The following DKK2 variants were observed in gnomAD, a reference collection of about 807,000 sequenced individuals.
DKK2 encodes dickkopf-related protein 2.
A neutral mutation model predicts 28.1 loss-of-function variants in DKK2; 11 were observed. That is an observed-to-expected ratio of 0.39 (90% CI 0.25 to 0.65). DKK2 has a LOEUF of 0.65. Ranked by LOEUF, DKK2 falls within the 30% of genes least tolerant of loss-of-function variation. DKK2 has a pLI of 0.47. For synonymous variants in DKK2, 135 were observed against 126.5 expected (o/e 1.07, Z -0.45); for missense variants, 326 against 335.5 (o/e 0.97, Z 0.22).
intron 1 of DKK2, among the ~76,000 whole-genome samples, chr4:106,986,811 A>G (rs1723127438): frequency 6.6e-6 from 1 of 152,132 alleles, no homozygotes; most frequent in Non-Finnish European, 1.5e-5. Flanking sequence ...TTTCTTTACT[A>G]TTCTCTCTGT....
At chr4:106,967,500 G>A (rs902443047) in intron 1 of DKK2, among the ~76,000 whole-genome samples, 1 of 152,146 alleles carries the variant, frequency 6.6e-6, no homozygotes, top group African/African-American at 2.4e-5. Context: ...AGAGGGAAGA[G>A]AGCAAGGTAG....
At chr4:106,972,714 T>A (rs932112728) in intron 1 of DKK2, among the ~76,000 whole-genome samples, 21 of 152,202 alleles carry the variant, frequency 1.4e-4, no homozygotes, top group African/African-American at 4.8e-4. Context: ...TGAGAAGCTA[T>A]TATATTCTTG....
chr4:106,941,614 A>G (rs962816091), intron 1 of DKK2, among the ~76,000 whole-genome samples: 1 of 152,164 alleles, frequency 6.6e-6, no homozygotes, highest in African/African-American at 2.4e-5. Context: ...CCCCAAGTAC[A>G]CTATATTGTC....
intron 1 of DKK2, among the ~76,000 whole-genome samples, chr4:106,946,558 C>T (rs1724779332): frequency 6.6e-6 from 1 of 152,056 alleles, no homozygotes; most frequent in African/African-American, 2.4e-5. Context: ...GCAACATAGA[C>T]AGAACTCCCA....
chr4:106,965,412 G>A (rs1033546302), intron 1 of DKK2, among the ~76,000 whole-genome samples: 1 of 152,058 alleles, frequency 6.6e-6, no homozygotes, highest in Non-Finnish European at 1.5e-5. Context: ...AAAGCCAAGA[G>A]TTATACAGGT....
chr4:106,999,800 A>G (rs1263271950), intron 1 of DKK2, among the ~76,000 whole-genome samples: 1 of 152,176 alleles, frequency 6.6e-6, no homozygotes, highest in Non-Finnish European at 1.5e-5. Context: ...TTTTTCTCGT[A>G]TTAAATTTTG....
At chr4:106,966,436 C>G (rs1398548698) in intron 1 of DKK2, among the ~76,000 whole-genome samples, 1 of 152,208 alleles carries the variant, frequency 6.6e-6, no homozygotes, top group Non-Finnish European at 1.5e-5. Context: ...CACTCTCCAT[C>G]TCTTCTAAAT....
rs773814398 is a variant in DKK2, at chr4:106,924,580, A to G, written c.494T>C (p.Leu165Pro). The G allele has an allele frequency of 5.6e-6, 9 of 1,613,746 alleles. No individual in the cohort carries two copies. In the East Asian group the frequency reaches 2.0e-4, roughly 36 times the overall value. Reference sequence around the variant, plus strand: ...TGACATCTTAGTGTGTGGTCTTCCTAGATTCTGCCATCCCAAGTCATGGTT... The same window carrying G: ...TGACATCTTAGTGTGTGGTCTTCCTGGATTCTGCCATCCCAAGTCATGGTT... ...YSNHDLGWQN[L>P]GRPHTKMSHI... The change falls in exon 3 of 4, where the codon CTA becomes CCA. Residue 165 changes from leucine (L) to proline (P), a missense_variant. Transcript: ENST00000285311.
intron 1 of DKK2, among the ~76,000 whole-genome samples, chr4:106,942,449 G>A (rs1284290887): frequency 1.3e-5 from 2 of 152,014 alleles, no homozygotes; most frequent in Non-Finnish European, 2.9e-5. Context: ...TACTTCTTTT[G>A]TTGGCCCTTA....
chr4:107,025,807 T>C (rs1421015648), intron 1 of DKK2, among the ~76,000 whole-genome samples: 1 of 152,194 alleles, frequency 6.6e-6, no homozygotes, highest in Non-Finnish European at 1.5e-5. Flanking sequence ...ATAATATATT[T>C]TGACCTACAC....
chr4:107,020,008 A>G (rs1723667357), intron 1 of DKK2, among the ~76,000 whole-genome samples: 1 of 150,372 alleles, frequency 6.7e-6, no homozygotes, highest in Admixed American at 6.6e-5. Context: ...GTGGACATTT[A>G]AAAAAAAAAT....
At chr4:106,997,850 C>A (rs1723298100) in intron 1 of DKK2, among the ~76,000 whole-genome samples, 1 of 152,042 alleles carries the variant, frequency 6.6e-6, no homozygotes, top group Admixed American at 6.6e-5. Flanking sequence ...TTCTTTTTCC[C>A]TTTTATTGCC....
chr4:106,999,556 AG>A (rs892307778), intron 1 of DKK2, among the ~76,000 whole-genome samples: 87 of 152,210 alleles, frequency 5.7e-4, no homozygotes, highest in African/African-American at 2.1e-3. Context: ...CACGTTAGCC[AG>A]GATGATCTCA....
At chr4:106,939,598 G>GA (rs1366015852) in intron 1 of DKK2, among the ~76,000 whole-genome samples, 1 of 152,224 alleles carries the variant, frequency 6.6e-6, no homozygotes, top group East Asian at 1.9e-4. Context: ...CACAGAATTG[G>GA]AAAAAACTAC....
At chr4:106,949,659 C>G (rs1724829477) in intron 1 of DKK2, among the ~76,000 whole-genome samples, 1 of 152,072 alleles carries the variant, frequency 6.6e-6, no homozygotes, top group African/African-American at 2.4e-5. Context: ...CTTCTGTTTT[C>G]TTATATATGG....
intron 1 of DKK2, among the ~76,000 whole-genome samples, chr4:106,991,683 TGCCCA>T (rs1723206092): frequency 6.6e-6 from 1 of 152,168 alleles, no homozygotes; most frequent in East Asian, 1.9e-4. Flanking sequence ...AACTCATTTT[TGCCCA>T]GCCCCAACAC....
rs150616976 is a variant in DKK2, at chr4:106,973,438, G to A, written c.223-47489C>T. Among the ~76,000 whole-genome samples, 522 of 152,290 alleles carry A rather than the reference G, an allele frequency of 3.4e-3. 3 individuals are homozygous for A. Among genetic ancestry groups the A allele is most frequent in the African/African-American group, 0.012 (509 of 41,550 alleles). The stretch of plus-strand genomic sequence containing the variant: ...TTTAATGATTGCCATTCTAACTGGA[G>A]TGAGACAGTATCTAATTTTGGCTTT... On this transcript the variant is annotated intron_variant, in intron 1 of 3. Coordinates refer to ENST00000285311, the MANE Select transcript of DKK2 (RefSeq NM_014421.3).
chr4:107,015,204 G>C (rs1390142963), intron 1 of DKK2, among the ~76,000 whole-genome samples: 1 of 151,524 alleles, frequency 6.6e-6, no homozygotes, highest in East Asian at 1.9e-4. Context: ...GTTTCACATA[G>C]GTACCTATAC....
At chr4:107,004,028 C>T (rs1285826449) in intron 1 of DKK2, among the ~76,000 whole-genome samples, 1 of 152,180 alleles carries the variant, frequency 6.6e-6, no homozygotes, top group East Asian at 1.9e-4. Flanking sequence ...TCCAACATCA[C>T]TCATATTCAT....
Sources: allele counts gnomAD v4.1 joint callset (sites outside exome capture counted in the v4.1 genomes callset), GRCh38; gene constraint gnomAD v4.1.1; transcripts MANE v1.5; gene names NCBI Gene and HGNC (gene_info 2026-07-23, HGNC 2026-07-21).